Variants in TRIP13 observed in about 807,000 individuals in gnomAD.
The protein encoded by TRIP13 is thyroid hormone receptor interactor 13, also known as pachytene checkpoint protein 2 homolog.
TRIP13 carries 25 observed loss-of-function variants against 54.4 expected under a neutral mutation model. That is an observed-to-expected ratio of 0.46 (90% CI 0.33 to 0.64). The LOEUF is 0.64. TRIP13 is among the 30% of genes least tolerant of loss of function. TRIP13 has a pLI of 0.02. For missense variants in TRIP13, 373 were observed against 534.2 expected (o/e 0.70, Z 2.97); for synonymous variants, 207 against 207.8 (o/e 1.00, Z 0.03).
Position 893,061 on chromosome 5 carries a change from C to T in TRIP13, c.63C>T (p.Val21=), listed in dbSNP as rs755341745. ...CCTGTGTGGCCGAGTCGCCAACGGT[C>T]CACGTGGAGGTGCATCAGCGCGGCA... ...ALPCVAESPT[V]HVEVHQRGSS... The change falls in exon 1 of 13, where the codon GTC becomes GTT. Residue 21 remains valine (V), a synonymous_variant. Coordinates refer to ENST00000166345, the MANE Select transcript of TRIP13 (RefSeq NM_004237.4). 10 of 1,598,496 alleles carry T rather than the reference C, an allele frequency of 6.3e-6. No individual in the cohort carries two copies. The highest frequency in any genetic ancestry group is 8.5e-6 in the Non-Finnish European group (10 of 1,176,806).
intron 1 of TRIP13, among the ~76,000 whole-genome samples, 196 bp downstream of exon 1, chr5:893,286 G>A (rs1209847716): frequency 6.6e-6 from 1 of 151,998 alleles, no homozygotes; most frequent in African/African-American, 2.4e-5. Context: ...CCCACCGCAG[G>A]GCACTGACCC....
In TRIP13 at chr5:908,369, A is replaced by G; in HGVS notation, c.774A>G (p.Thr258=). The change falls in exon 9 of 13, where the codon ACA becomes ACG. Residue 258 remains threonine (T), a synonymous_variant. Coordinates refer to ENST00000166345, the MANE Select transcript of TRIP13 (RefSeq NM_004237.4). The surrounding 1 kb of genome is among the most constrained non-coding windows in gnomAD (Gnocchi z 5.2). Reference sequence around the variant, plus strand: ...CCTCCCAACAGGTGGAGAGTCTCACAGCCGCCCGAAATGCCTGCAGGGCGG... The same window carrying G: ...CCTCCCAACAGGTGGAGAGTCTCACGGCCGCCCGAAATGCCTGCAGGGCGG... ...FVLIDEVESL[T]AARNACRAGT... is the part of the protein sequence containing the mutation. 6.2e-7 allele frequency: 1 copy of G among 1,612,066 alleles called. No homozygotes were observed.
Position 914,583 on chromosome 5 carries a change from A to G in TRIP13, c.1133+6A>G, listed in dbSNP as rs926442502. 6.2e-7 allele frequency: 1 copy of G among 1,601,824 alleles called. No individual in the cohort carries two copies. The highest frequency in any genetic ancestry group is 1.3e-5 in the African/African-American group (1 of 74,674). On this transcript the variant is annotated splice_donor_region_variant and intron_variant, in intron 11 of 12. Coordinates refer to ENST00000166345, the MANE Select transcript of TRIP13 (RefSeq NM_004237.4). Reference sequence around the variant, plus strand: ...CTTTTGAATGACATTTCAAGGTGCAAATTGACCTCATTTTTGTAATCAAGA... The same window carrying G: ...CTTTTGAATGACATTTCAAGGTGCAGATTGACCTCATTTTTGTAATCAAGA...
chr5:915,848 C>A lies in TRIP13; in HGVS notation c.1134-56C>A. The A allele has an allele frequency of 6.3e-7, 1 of 1,592,560 alleles. No individual in the cohort carries two copies. The highest frequency in any genetic ancestry group is 8.6e-7 in the Non-Finnish European group (1 of 1,160,460). On this transcript the variant is annotated intron_variant, in intron 11 of 12. Transcript: ENST00000166345. The surrounding 1 kb of genome is among the most constrained non-coding windows in gnomAD (Gnocchi z 4.2). ...GCCTCGGCCAATGAGGAAAATTAGT[C>A]CTGAAACGTGTGATTGTATAAATTG...
chr5:901,541 C>A, intron 5 of TRIP13, 110 bp downstream of exon 5: 1 of 960,346 alleles, frequency 1.0e-6, no homozygotes, highest in Non-Finnish European at 1.6e-6. Flanking sequence ...CTGAAGGAGC[C>A]ACAGCTGTCC....
chr5:896,837 GGATT>G (rs1753926967), intron 3 of TRIP13, 43 bp downstream of exon 3: 2 of 1,599,492 alleles, frequency 1.3e-6, no homozygotes, highest in African/African-American at 2.7e-5. Context: ...TGAGGTCAGA[GGATT>G]GTATACTCCA....
chr5:914,159 C>G (rs1754296182), intron 10 of TRIP13, among the ~76,000 whole-genome samples: 1 of 152,196 alleles, frequency 6.6e-6, no homozygotes, highest in Admixed American at 6.5e-5. Context: ...CAGGTCCCTT[C>G]CCTTCCTGAC....
rs887356210 is a variant in TRIP13, at chr5:913,962, A to T, written c.1021-503A>T. Among the ~76,000 whole-genome samples, 1 of 152,156 alleles carries T rather than the reference A, an allele frequency of 6.6e-6. No individual in the cohort carries two copies. Among genetic ancestry groups the T allele is most frequent in the South Asian group, 2.1e-4 (1 of 4,824 alleles). On this transcript the variant is annotated intron_variant, in intron 10 of 12. Coordinates refer to ENST00000166345, the MANE Select transcript of TRIP13 (RefSeq NM_004237.4). This position sits in a 1 kb window ranked among gnomAD's most constrained non-coding sequence, Gnocchi z 4.5. Reference sequence around the variant, plus strand: ...TCCAGACAAATGATCTCTGAGGGGAACTTCTGGTGCTCAGCTCCTCGGTCA... The same window carrying T: ...TCCAGACAAATGATCTCTGAGGGGATCTTCTGGTGCTCAGCTCCTCGGTCA...
In TRIP13 at chr5:908,424, G is replaced by A; in HGVS notation, c.829G>A (p.Val277Ile). The A allele has an allele frequency of 6.2e-7, 1 of 1,613,794 alleles. No homozygotes were observed. Among genetic ancestry groups the A allele is most frequent in the Non-Finnish European group, 8.5e-7 (1 of 1,180,032 alleles). Residue 277 changes from valine (V) to isoleucine (I), a missense_variant, in exon 9 of 13, where the codon GTC becomes ATC. By Grantham distance (29) the Val-to-Ile change is conservative. Coordinates refer to ENST00000166345, the MANE Select transcript of TRIP13 (RefSeq NM_004237.4). This position sits in a 1 kb window ranked among gnomAD's most constrained non-coding sequence, Gnocchi z 5.2. ...GTEPSDAIRV[V>I]NAVLTQIDQI... The stretch of plus-strand genomic sequence containing the variant: ...CGAGCCATCAGATGCCATCCGCGTG[G>A]TCAATGCTGTCTTGACCCAAATTGA...
Position 908,212 on chromosome 5 carries a change from C to G in TRIP13, c.759+138C>G, listed in dbSNP as rs563756779. ...ATCCCTCCCTGCACTGTGCGCCTTT[C>G]CACCTTGCCGCAGCATCCGCAGGCT... On this transcript the variant is annotated intron_variant, in intron 8 of 12. Coordinates refer to ENST00000166345, the MANE Select transcript of TRIP13 (RefSeq NM_004237.4). This position sits in a 1 kb window ranked among gnomAD's most constrained non-coding sequence, Gnocchi z 5.2. The G allele has an allele frequency of 1.7e-5, 24 of 1,383,284 alleles. No homozygotes were observed. The East Asian group carries it at 5.5e-4, about 32-fold the overall frequency. The allele number at this position is 1,383,284 out of a possible 1,614,324, so 85.7% of individuals were successfully genotyped here. A position where few individuals can be genotyped will look rare whatever the true frequency, so the allele number is the denominator to read the frequency against.
At chr5:900,327 A>T (rs1407557868) in intron 3 of TRIP13, among the ~76,000 whole-genome samples, 167 bp from the exon 4 acceptor site, 1 of 152,222 alleles carries the variant, frequency 6.6e-6, no homozygotes, top group Non-Finnish European at 1.5e-5. Context: ...TAAAAATCAA[A>T]ATTTGAAGAA....
Position 911,204 on chromosome 5 carries a change from G to A in TRIP13, c.867-639G>A, listed in dbSNP as rs990861572. Among the ~76,000 whole-genome samples, 1 of 152,232 alleles carries A rather than the reference G, an allele frequency of 6.6e-6. No homozygotes were observed. Among genetic ancestry groups the A allele is most frequent in the Non-Finnish European group, 1.5e-5 (1 of 68,032 alleles). On this transcript the variant is annotated intron_variant, in intron 9 of 12. Coordinates refer to ENST00000166345, the MANE Select transcript of TRIP13 (RefSeq NM_004237.4). The surrounding 1 kb of genome is among the most constrained non-coding windows in gnomAD (Gnocchi z 4.7). ...TCTAGAGTATGTCTAGGGATGATGA[G>A]TGGCCATGCCCAGGTGGTGGTGGGC...
chr5:895,005 G>A, intron 2 of TRIP13, 53 bp downstream of exon 2: 2 of 1,528,834 alleles, frequency 1.3e-6, no homozygotes, highest in East Asian at 2.4e-5. Flanking sequence ...ACAAAAGGTT[G>A]TATCATGAAT....
At position 917,208 on chromosome 5, in the gene TRIP13, C is replaced by A; in HGVS notation, c.*105C>A. 9.4e-7 allele frequency: 1 copy of A among 1,069,164 alleles called. No homozygotes were observed. The highest frequency in any genetic ancestry group is 1.4e-6 in the Non-Finnish European group (1 of 737,666). 66.2% of individuals were successfully genotyped at this position (1,069,164 alleles called of 1,614,324 possible). On this transcript the variant is annotated 3_prime_UTR_variant, in exon 13 of 13. Transcript: ENST00000166345. ...CAGGGAATCCCTTCTGCAAACCAAA[C>A]GTTACTTAGACTGCAAGCTAGAAAG...
chr5:897,199 G>A (rs1242469254), intron 3 of TRIP13, among the ~76,000 whole-genome samples: 1 of 148,998 alleles, frequency 6.7e-6, no homozygotes, highest in Non-Finnish European at 1.5e-5. Flanking sequence ...AGCAGGCCAA[G>A]CCCAGGGCTT....
intron 4 of TRIP13, 39 bp downstream of exon 4, chr5:900,588 TGAAGAG>T: frequency 6.2e-7 from 1 of 1,604,736 alleles, no homozygotes; most frequent in Non-Finnish European, 8.5e-7. Context: ...CCCTGTTATT[TGAAGAG>T]GAACCATTAC....
chr5:900,356 C>T, intron 3 of TRIP13, 138 bp from the exon 4 acceptor site: 1 of 816,166 alleles, frequency 1.2e-6, no homozygotes. Flanking sequence ...AGAATTTATA[C>T]TTTCCTGTAA....
At chr5:910,393 A>G (rs1754205875) in intron 9 of TRIP13, among the ~76,000 whole-genome samples, 1 of 152,126 alleles carries the variant, frequency 6.6e-6, no homozygotes, top group African/African-American at 2.4e-5. Flanking sequence ...AGCATAGCTC[A>G]GGGTTCTGTG....
rs1490920927 is a variant in TRIP13, at chr5:915,888, G to A, written c.1134-16G>A. 4 of 1,613,994 alleles carry A rather than the reference G, an allele frequency of 2.5e-6. No homozygotes were observed. In the South Asian group the frequency reaches 3.3e-5, roughly 13 times the overall value. On this transcript the variant is annotated splice_polypyrimidine_tract_variant and intron_variant, in intron 11 of 12. Transcript: ENST00000166345. The surrounding 1 kb of genome is among the most constrained non-coding windows in gnomAD (Gnocchi z 4.2). ...TGTATAAATTGCTGTCTCTGAACTG[G>A]GTTTTCTTTACACAGGAAGAGCGAG...
Sources: allele counts gnomAD v4.1 joint callset (sites outside exome capture counted in the v4.1 genomes callset), GRCh38; gene constraint gnomAD v4.1.1; non-coding constraint Gnocchi (gnomAD v3.1); transcripts MANE v1.5; gene names NCBI Gene and HGNC (gene_info 2026-07-23, HGNC 2026-07-21).